Variants in TCTN1 observed in about 807,000 individuals in gnomAD.
TCTN1 encodes tectonic family member 1.
In TCTN1, 58 loss-of-function variants were observed where a neutral mutation model predicts 65.8. The observed-to-expected ratio is 0.88, with a 90% CI of 0.71 to 1.10. The LOEUF is 1.10. TCTN1 is among the 50% of genes least tolerant of loss of function. The pLI is 0.00. For synonymous variants in TCTN1, 273 were observed against 289.1 expected, an observed-to-expected ratio of 0.94 and a Z score of 0.57; for missense variants, 645 against 719.4, an observed-to-expected ratio of 0.90 and a Z score of 1.18.
At chr12:110,615,564 T>G (rs1055483003) in intron 1 of TCTN1, among the ~76,000 whole-genome samples, 2 of 152,200 alleles carry the variant, frequency 1.3e-5, no homozygotes, top group African/African-American at 4.8e-5. Flanking sequence ...CACTTAAGTC[T>G]CAATCTGCTG....
At chr12:110,638,423 A>G (rs2066727130) in intron 7 of TCTN1, among the ~76,000 whole-genome samples, 1 of 152,202 alleles carries the variant, frequency 6.6e-6, no homozygotes, top group African/African-American at 2.4e-5. Flanking sequence ...ATTGGGTCTA[A>G]TCTCCCCACT....
In TCTN1 at chr12:110,639,624, G is replaced by GAT. The variant is rs1326579006; in HGVS notation, c.844-752_844-751dup. ...GTAGGAGTTGTGTTTTGGAGGTGAG[G>GAT]ATATATATGTGTGCTTGACAGTGTG... is the stretch of plus-strand genomic sequence containing the variant. On this transcript the variant is annotated intron_variant, in intron 7 of 14. Transcript: ENST00000397659. This position sits in a 1 kb window ranked among gnomAD's most constrained non-coding sequence, Gnocchi z 4.9. Among the ~76,000 whole-genome samples the GAT allele has an allele frequency of 6.6e-6, 1 of 151,950 alleles. No homozygotes were observed. Among genetic ancestry groups the GAT allele is most frequent in the Non-Finnish European group, 1.5e-5 (1 of 67,984 alleles).
chr12:110,620,928 T>C (rs1228105174), intron 2 of TCTN1, among the ~76,000 whole-genome samples: 1 of 151,828 alleles, frequency 6.6e-6, no homozygotes, highest in Non-Finnish European at 1.5e-5. Flanking sequence ...TTCTCCTGTC[T>C]CAGCCTCCTG....
intron 2 of TCTN1, among the ~76,000 whole-genome samples, chr12:110,624,085 G>T (rs2065646052): frequency 6.7e-6 from 1 of 149,810 alleles, no homozygotes; most frequent in Admixed American, 6.7e-5. Context: ...CCAGCTATCT[G>T]TCTATTTTTT....
Position 110,649,168 on chromosome 12 carries a change from A to C in TCTN1, c.*127A>C. ...GTTGCTCATTTTCAATTAAGGCTAAAGTGTTCAACATGAGAAAATGTGATA... is the reference window on the plus strand; with the variant it reads ...GTTGCTCATTTTCAATTAAGGCTAACGTGTTCAACATGAGAAAATGTGATA... On this transcript the variant is annotated 3_prime_UTR_variant, in exon 15 of 15. Transcript: ENST00000397659. 1 of 681,798 alleles carries C rather than the reference A, an allele frequency of 1.5e-6. No homozygotes were observed. The highest frequency in any genetic ancestry group is 2.7e-6 in the Non-Finnish European group (1 of 377,014). The allele number at this position is 681,798 out of a possible 1,614,324, so 42.2% of individuals were successfully genotyped here. A position where few individuals can be genotyped will look rare whatever the true frequency, so the allele number is the denominator to read the frequency against.
chr12:110,637,467 G>A (rs923335577), intron 7 of TCTN1, among the ~76,000 whole-genome samples: 1 of 152,228 alleles, frequency 6.6e-6, no homozygotes, highest in Non-Finnish European at 1.5e-5. Flanking sequence ...TCTGTGAAGG[G>A]TGGGAAGACC....
In TCTN1 at chr12:110,628,139, C is replaced by T. The variant is rs755511259; in HGVS notation, c.473-628C>T. On this transcript the variant is annotated intron_variant, in intron 3 of 14. Transcript: ENST00000397659. The stretch of plus-strand genomic sequence containing the variant: ...CCATAGCCATCCGGAGAGAGCTTCT[C>T]CTTACAGGTTGATACAGCAAACTCA... The T allele has an allele frequency of 6.1e-5, 93 of 1,535,886 alleles. 1 individual carries two copies. In the South Asian group the frequency reaches 1.1e-3, roughly 18 times the overall value.
rs1230005152 is a variant in TCTN1, at chr12:110,634,885, TC to T, written c.822+107del. On this transcript the variant is annotated intron_variant, in intron 6 of 14. Coordinates refer to ENST00000397659, the MANE Select transcript of TCTN1 (RefSeq NM_001082538.3). ...AATAATTTCAGTACATGATTGACACTCGAGTTTAAATTTCTCCAGTACTTTT... is the reference window on the plus strand; with the variant it reads ...AATAATTTCAGTACATGATTGACACTGAGTTTAAATTTCTCCAGTACTTTT... The T allele has an allele frequency of 1.1e-4, 89 of 828,418 alleles. 1 individual carries two copies. The African/African-American group carries it at 1.3e-3, about 13-fold the overall frequency. 51.3% of individuals were successfully genotyped at this position (828,418 alleles called of 1,614,324 possible).
At chr12:110,634,063 T>TA (rs1489844536) in intron 5 of TCTN1, among the ~76,000 whole-genome samples, 2 of 152,184 alleles carry the variant, frequency 1.3e-5, no homozygotes, top group Non-Finnish European at 2.9e-5. Context: ...CTGCTTCATG[T>TA]AAAGACAGGC....
intron 12 of TCTN1, chr12:110,646,989 T>C: frequency 1.7e-6 from 1 of 601,924 alleles, no homozygotes; most frequent in Non-Finnish European, 2.8e-6. Flanking sequence ...GATGGAAAAA[T>C]TACGCTTCAG....
chr12:110,641,029 G>A lies in TCTN1; in HGVS notation c.984G>A (p.Lys328=). ...GAGTATCATTTTGTTTTTAGGTAAAGTACAGCCTCACATACACAGATGCAG... is the reference window on the plus strand; with the variant it reads ...GAGTATCATTTTGTTTTTAGGTAAAATACAGCCTCACATACACAGATGCAG... The part of the protein sequence containing the change: ...SLCVNVVLEV[K]YSLTYTDAGE... The change falls in exon 9 of 15, where the codon AAG becomes AAA. Residue 328 remains lysine, a synonymous_variant. Coordinates refer to ENST00000397659, the MANE Select transcript of TCTN1 (RefSeq NM_001082538.3). The A allele has an allele frequency of 1.9e-6, 3 of 1,614,218 alleles. No homozygotes were observed. The highest frequency in any genetic ancestry group is 2.5e-6 in the Non-Finnish European group (3 of 1,180,050).
intron 5 of TCTN1, among the ~76,000 whole-genome samples, chr12:110,634,152 GGAAA>G (rs1253432272): frequency 1.3e-5 from 2 of 151,900 alleles, no homozygotes; most frequent in African/African-American, 4.8e-5. Flanking sequence ...TTCCAAAAGG[GGAAA>G]GAAATAATAA....
chr12:110,626,467 T>G lies in TCTN1; in HGVS notation c.447T>G (p.Ser149=). 1 of 1,612,706 alleles carries G rather than the reference T, an allele frequency of 6.2e-7. No individual in the cohort carries two copies. Among genetic ancestry groups the G allele is most frequent in the South Asian group, 1.1e-5 (1 of 90,938 alleles). The change falls in exon 3 of 15, where the codon TCT becomes TCG. Residue 149 remains serine (S), a synonymous_variant. Transcript: ENST00000397659. ...AACTTGTTGACCAGATTAATCCATC[T>G]ATTTTCTGCATTCATATTACAAACT... ...VFELVDQINP[S]IFCIHITNYK... is the part of the protein sequence containing the mutation.
intron 2 of TCTN1, among the ~76,000 whole-genome samples, chr12:110,623,846 A>C (rs2065623258): frequency 6.6e-6 from 1 of 150,820 alleles, no homozygotes; most frequent in African/African-American, 2.4e-5. Context: ...CAGCCTCCCA[A>C]AATGCTGGGA....
chr12:110,620,961 C>A (rs1242042402), intron 2 of TCTN1, among the ~76,000 whole-genome samples: 1 of 151,988 alleles, frequency 6.6e-6, no homozygotes, highest in Non-Finnish European at 1.5e-5. Context: ...TACAGGTGCA[C>A]GCCACGATGC....
In TCTN1 at chr12:110,614,164, C is replaced by A. The variant is rs773061089; in HGVS notation, c.-19C>A. The A allele has an allele frequency of 1.2e-5, 19 of 1,548,290 alleles. No individual in the cohort carries two copies. The highest frequency in any genetic ancestry group is 4.8e-5 in the South Asian group (4 of 84,094). ...AACGCGCTGTCCATGTCGCGGGCCT[C>A]GCTGGGACTCCCTGGGAGATGAGGC... On this transcript the variant is annotated 5_prime_UTR_variant, in exon 1 of 15. It introduces an in-frame stop codon into an upstream open reading frame of the 5' UTR. Transcript: ENST00000397659.
rs1211734821 is a variant in TCTN1, at chr12:110,614,281, G to A, written c.99G>A (p.Glu33=). 6.3e-7 allele frequency: 1 copy of A among 1,596,738 alleles called. No homozygotes were observed. The highest frequency in any genetic ancestry group is 1.7e-5 in the Admixed American group (1 of 57,434). ...ATGCCACCCCGGCGGTGACGACAGA[G>A]GGCCTCAACTCCACCGAGGCAGCCC... The part of the protein sequence containing the change: ...QTDATPAVTT[E]GLNSTEAALA... The change falls in exon 1 of 15, where the codon GAG becomes GAA. Residue 33 remains glutamate (E), a synonymous_variant. Coordinates refer to ENST00000397659, the MANE Select transcript of TCTN1 (RefSeq NM_001082538.3).
At chr12:110,618,327 G>A (rs527994677) in intron 1 of TCTN1, among the ~76,000 whole-genome samples, 5 of 151,942 alleles carry the variant, frequency 3.3e-5, no homozygotes, top group Non-Finnish European at 7.4e-5. Flanking sequence ...TGCAAACCCC[G>A]CCTCCTGGGT....
rs2066801357 is a variant in TCTN1 at position 110,639,405 on chromosome 12, T to C, written c.844-978T>C. 1.3e-5 allele frequency among the ~76,000 whole-genome samples: 2 copies of C among 152,154 alleles called. No individual in the cohort carries two copies. Among genetic ancestry groups the C allele is most frequent in the African/African-American group, 4.8e-5 (2 of 41,418 alleles). On this transcript the variant is annotated intron_variant, in intron 7 of 14. Transcript: ENST00000397659. The surrounding 1 kb of genome is among the most constrained non-coding windows in gnomAD (Gnocchi z 4.9). ...AAAATGTTTGTCTGTGTCTGTTTTT[T>C]GTTGCTCATAATCCTACCACCCAGA...
Sources: allele counts gnomAD v4.1 joint callset (sites outside exome capture counted in the v4.1 genomes callset), GRCh38; gene constraint gnomAD v4.1.1; non-coding constraint Gnocchi (gnomAD v3.1); transcripts MANE v1.5; gene names NCBI Gene and HGNC (gene_info 2026-07-23, HGNC 2026-07-21).